The following SPAG1 variants were observed in gnomAD, a reference collection of about 807,000 sequenced individuals.
The protein encoded by SPAG1 is sperm-associated antigen 1.
SPAG1 carries 69 observed loss-of-function variants against 100.5 expected under a neutral mutation model. The observed-to-expected ratio is 0.69, with a 90% CI of 0.57 to 0.84. The LOEUF (loss-of-function observed/expected upper bound fraction) is 0.84. Ranked by LOEUF, SPAG1 falls within the 40% of genes least tolerant of loss-of-function variation. SPAG1 has a pLI of 0.00. For synonymous variants in SPAG1, 336 were observed against 411.6 expected (o/e 0.82, Z 2.22); for missense variants, 955 against 1,133.1 (o/e 0.84, Z 2.26).
chr8:100,199,331 T>C (rs927154715), intron 10 of SPAG1, among the ~76,000 whole-genome samples: 4 of 152,230 alleles, frequency 2.6e-5, no homozygotes, highest in African/African-American at 9.7e-5. Context: ...TGGTAACTCC[T>C]TACGGTTTTA....
At chr8:100,212,486 C>G (rs1817756780) in intron 10 of SPAG1, among the ~76,000 whole-genome samples, 1 of 152,130 alleles carries the variant, frequency 6.6e-6, no homozygotes, top group African/African-American at 2.4e-5. Flanking sequence ...TAATCAAAAT[C>G]AAAGAAATTT....
chr8:100,204,335 A>G (rs1817415408), intron 10 of SPAG1, among the ~76,000 whole-genome samples: 1 of 152,204 alleles, frequency 6.6e-6, no homozygotes, highest in Non-Finnish European at 1.5e-5. Context: ...GCTACACTCA[A>G]AAATAACTGT....
At chr8:100,217,825 C>T (rs1463847984) in intron 12 of SPAG1, among the ~76,000 whole-genome samples, 1 of 152,132 alleles carries the variant, frequency 6.6e-6, no homozygotes, top group Admixed American at 6.5e-5. Context: ...CTCTATCACC[C>T]AGGTTGGAGT....
chr8:100,215,869 T>G (rs1402865401), intron 12 of SPAG1, among the ~76,000 whole-genome samples: 2 of 152,242 alleles, frequency 1.3e-5, no homozygotes, highest in Non-Finnish European at 2.9e-5. Flanking sequence ...GTGCCTAAGT[T>G]TAAAAAGAAG....
chr8:100,210,852 G>A (rs1351947691), intron 10 of SPAG1, among the ~76,000 whole-genome samples: 1 of 150,724 alleles, frequency 6.6e-6, no homozygotes, highest in Non-Finnish European at 1.5e-5. Context: ...TTTTGAGATG[G>A]AGTTTTGCCC....
intron 12 of SPAG1, among the ~76,000 whole-genome samples, chr8:100,214,347 T>G (rs1387744593): frequency 2.0e-5 from 3 of 152,240 alleles, no homozygotes; most frequent in Non-Finnish European, 4.4e-5. Context: ...TTCCGTTTGG[T>G]CTACTGGACC....
chr8:100,172,854 A>T (rs1815936275), intron 3 of SPAG1, among the ~76,000 whole-genome samples: 1 of 151,892 alleles, frequency 6.6e-6, no homozygotes, highest in South Asian at 2.1e-4. Flanking sequence ...TGCTTTTTAA[A>T]CTTTCAGCCT....
intron 3 of SPAG1, among the ~76,000 whole-genome samples, chr8:100,168,950 G>C (rs1423102792): frequency 6.6e-6 from 1 of 151,616 alleles, no homozygotes; most frequent in Non-Finnish European, 1.5e-5. Flanking sequence ...GCCTCCCAAA[G>C]TGCGGGGATT....
intron 1 of SPAG1, among the ~76,000 whole-genome samples, chr8:100,160,699 GA>G (rs1298356620): frequency 6.6e-6 from 1 of 151,754 alleles, no homozygotes; most frequent in East Asian, 1.9e-4. Context: ...GTAGGGAGAA[GA>G]AGTAGGCAGG....
intron 4 of SPAG1, 104 bp downstream of exon 4, chr8:100,178,045 C>G: frequency 2.4e-6 from 2 of 846,324 alleles, no homozygotes; most frequent in Non-Finnish European, 3.6e-6. Context: ...GTGATGTCCT[C>G]TAGGAGAATT....
chr8:100,240,615 C>T lies in SPAG1; in HGVS notation c.2493C>T (p.Ile831=). 6.2e-7 allele frequency: 1 copy of T among 1,614,152 alleles called. No individual in the cohort carries two copies. Among genetic ancestry groups the T allele is most frequent in the Admixed American group, 1.7e-5 (1 of 60,020 alleles). ...AAGCCTGTGCACATCTTTTAGCCAT[C>T]ACTGCACCAAAAGATTTGCCGATGT... ...DKEACAHLLA[I]TAPKDLPMFL... is the part of the protein sequence containing the mutation. The change falls in exon 18 of 19, where the codon ATC becomes ATT. Residue 831 remains isoleucine (I), a synonymous_variant. Coordinates refer to ENST00000388798, the MANE Select transcript of SPAG1 (RefSeq NM_003114.5).
At chr8:100,187,666 C>CA (rs202052978) in intron 8 of SPAG1, among the ~76,000 whole-genome samples, 82 of 144,638 alleles carry the variant, frequency 5.7e-4, no homozygotes, top group Non-Finnish European at 5.2e-4. Flanking sequence ...CTCTGTGTCT[C>CA]AAAAAAAAAA....
chr8:100,175,009 G>A (rs556038186), intron 3 of SPAG1, among the ~76,000 whole-genome samples: 2 of 138,830 alleles, frequency 1.4e-5, no homozygotes, highest in African/African-American at 2.7e-5. Context: ...ATCTTGCCAT[G>A]TTGCCAGGGC....
chr8:100,193,695 T>G (rs1464790598), intron 9 of SPAG1, among the ~76,000 whole-genome samples: 1 of 152,210 alleles, frequency 6.6e-6, no homozygotes, highest in Admixed American at 6.5e-5. Flanking sequence ...GGTGAGAGGA[T>G]TGCTTGATCC....
chr8:100,213,676 G>A (rs367588579), intron 11 of SPAG1, 143 bp from the exon 12 acceptor site: 3 of 588,218 alleles, frequency 5.1e-6, no homozygotes, highest in Non-Finnish European at 5.8e-6. Flanking sequence ...GGCTGTTGCG[G>A]GTAGCAGCTC....
intron 16 of SPAG1, among the ~76,000 whole-genome samples, chr8:100,236,386 C>T (rs1341640766): frequency 1.3e-5 from 2 of 152,192 alleles, no homozygotes; most frequent in African/African-American, 4.8e-5. Flanking sequence ...TCAAGCAATC[C>T]TCCCACTTTG....
chr8:100,191,307 C>A, intron 8 of SPAG1, 83 bp from the exon 9 acceptor site: 1 of 875,286 alleles, frequency 1.1e-6, no homozygotes, highest in South Asian at 1.5e-5. Context: ...TTCTGTGCTG[C>A]TCATATCTTC....
chr8:100,225,998 G>T (rs1049857364), intron 14 of SPAG1, among the ~76,000 whole-genome samples: 10 of 132,150 alleles, frequency 7.6e-5, no homozygotes, highest in African/African-American at 2.8e-4. Context: ...ATGCCAGCTA[G>T]TTTTTTTTTT....
chr8:100,173,334 T>C (rs1012355779), intron 3 of SPAG1, among the ~76,000 whole-genome samples: 2 of 152,112 alleles, frequency 1.3e-5, no homozygotes, highest in Non-Finnish European at 2.9e-5. Context: ...TGTCCCCTTT[T>C]CTCCATTCTT....
Sources: allele counts gnomAD v4.1 joint callset (sites outside exome capture counted in the v4.1 genomes callset), GRCh38; gene constraint gnomAD v4.1.1; transcripts MANE v1.5; gene names NCBI Gene and HGNC (gene_info 2026-07-23, HGNC 2026-07-21).